ZFC3H1: variants seen among roughly 807,000 people sequenced by gnomAD.
The protein encoded by ZFC3H1 is zinc finger C3H1-type containing.
In ZFC3H1, 71 loss-of-function variants were observed where a neutral mutation model predicts 243.7. The observed-to-expected ratio is 0.29, with a 90% confidence interval of 0.24 to 0.36. The LOEUF (loss-of-function observed/expected upper bound fraction) is 0.36, where lower values mean the gene tolerates loss of function less well. Ranked by LOEUF, ZFC3H1 falls within the 10% of genes least tolerant of loss-of-function variation. ZFC3H1 has a pLI of 1.00. For synonymous variants in ZFC3H1, 838 were observed against 813.0 expected (o/e 1.03, Z -0.52); for missense variants, 1,966 against 2,317.1 (o/e 0.85, Z 3.11).
Position 71,614,885 on chromosome 12 carries a change from G to A in ZFC3H1, c.5309C>T (p.Ala1770Val). The change falls in exon 29 of 35, where the codon GCA becomes GTA. Residue 1770 changes from alanine to valine, a missense_variant. By Grantham distance (64) the Ala-to-Val change is moderately conservative (BLOSUM62 0). This residue lies in a region of ZFC3H1 where 1,383 missense variants were observed against 1,723.7 expected (regional missense o/e 0.80). Coordinates refer to ENST00000378743, the MANE Select transcript of ZFC3H1 (RefSeq NM_144982.5). ...ACATCTCATAGCCACCCCTAATGCT[G>A]CCTCATATGCCTCCACTGTTTCTTT... ...SIKETVEAYE[A>V]ALGVAMRCDI... 1 of 1,613,808 alleles carries A rather than the reference G, an allele frequency of 6.2e-7. No individual in the cohort carries two copies. Among genetic ancestry groups the A allele is most frequent in the Non-Finnish European group, 8.5e-7 (1 of 1,179,824 alleles).
At chr12:71,645,116 T>G (rs1307351036) in intron 3 of ZFC3H1, 41 bp from the exon 4 acceptor site, 2 of 1,504,680 alleles carry the variant, frequency 1.3e-6, no homozygotes, top group East Asian at 4.8e-5. Flanking sequence ...TTTAATTCTA[T>G]TATTTAGCTT....
chr12:71,613,940 G>GCTCATTTAGTCTACAAT (rs1879833088), intron 30 of ZFC3H1, among the ~76,000 whole-genome samples: 1 of 152,050 alleles, frequency 6.6e-6, no homozygotes, highest in Non-Finnish European at 1.5e-5. Context: ...GCTTTAGCAA[G>GCTCATTTAGTCTACAAT]GAGCTTTTTA....
At chr12:71,660,621 C>T (rs1881142622) in intron 1 of ZFC3H1, among the ~76,000 whole-genome samples, 1 of 151,706 alleles carries the variant, frequency 6.6e-6, no homozygotes, top group African/African-American at 2.4e-5. Context: ...ATTGAATAAA[C>T]ACGCAGAAAG....
chr12:71,615,287 T>C lies in ZFC3H1; in HGVS notation c.5174A>G (p.Asp1725Gly), dbSNP rs754801562. Reference sequence around the variant, plus strand: ...CCCTTTACATAAACGAGATGGAATGTCAATTGGTCCTGGAATATTTAAGAG... The same window carrying C: ...CCCTTTACATAAACGAGATGGAATGCCAATTGGTCCTGGAATATTTAAGAG... Reference protein sequence around the residue: ...RYLLNIPGPIDIPSRLCKGNF... With the variant: ...RYLLNIPGPIGIPSRLCKGNF... Residue 1725 changes from aspartate to glycine, a missense_variant, in exon 28 of 35, where the codon GAC (aspartate) becomes GGC (glycine). Coordinates refer to ENST00000378743, the MANE Select transcript of ZFC3H1 (RefSeq NM_144982.5). 2 of 1,613,082 alleles carry C rather than the reference T, an allele frequency of 1.2e-6. No homozygotes were observed. The highest frequency in any genetic ancestry group is 2.2e-5 in the South Asian group (2 of 90,848).
intron 2 of ZFC3H1, among the ~76,000 whole-genome samples, chr12:71,649,408 C>G (rs1880822939): frequency 6.6e-6 from 1 of 152,192 alleles, no homozygotes; most frequent in Non-Finnish European, 1.5e-5. Context: ...AGGTGTACTT[C>G]AGGTCTATTT....
chr12:71,632,832 T>C, intron 14 of ZFC3H1, 54 bp downstream of exon 14: 2 of 1,593,406 alleles, frequency 1.3e-6, no homozygotes, highest in East Asian at 4.5e-5. Flanking sequence ...CCCTTAAAAC[T>C]ATCATAAAAA....
intron 30 of ZFC3H1, chr12:71,613,658 C>A (rs1023731285): frequency 2.7e-6 from 1 of 367,114 alleles, no homozygotes; most frequent in Non-Finnish European, 5.0e-6. Flanking sequence ...GGGCAGAACA[C>A]TGACAAGAAG....
chr12:71,646,773 A>G (rs1880740644), intron 3 of ZFC3H1, among the ~76,000 whole-genome samples: 1 of 152,168 alleles, frequency 6.6e-6, no homozygotes, highest in Non-Finnish European at 1.5e-5. Flanking sequence ...TACTTTTTGC[A>G]ACTACTCTCT....
chr12:71,643,851 C>A (rs1162188736), intron 5 of ZFC3H1, among the ~76,000 whole-genome samples: 1 of 152,170 alleles, frequency 6.6e-6, no homozygotes, highest in East Asian at 1.9e-4. Context: ...ATTTAGTAAT[C>A]CTACTTTCAT....
chr12:71,617,538 T>C (rs1359366821), intron 27 of ZFC3H1, among the ~76,000 whole-genome samples: 1 of 152,220 alleles, frequency 6.6e-6, no homozygotes, highest in Non-Finnish European at 1.5e-5. Flanking sequence ...TGAAGATCTT[T>C]CATTAGTTAC....
chr12:71,655,024 A>C (rs1880982407), intron 2 of ZFC3H1, among the ~76,000 whole-genome samples: 1 of 152,182 alleles, frequency 6.6e-6, no homozygotes, highest in African/African-American at 2.4e-5. Context: ...CATACTGGCA[A>C]ATTTTAACAA....
chr12:71,630,815 C>T lies in ZFC3H1; in HGVS notation c.3602+8G>A, dbSNP rs377258432. The stretch of plus-strand genomic sequence containing the variant: ...TCAAATTACAAAATGTTCACAAAAA[C>T]TACTCACCATTGACAATCATCATCA... On this transcript the variant is annotated splice_region_variant and intron_variant, in intron 17 of 34. Coordinates refer to ENST00000378743, the MANE Select transcript of ZFC3H1 (RefSeq NM_144982.5). 436 of 1,611,816 alleles carry T rather than the reference C, an allele frequency of 2.7e-4. 1 individual carries two copies. Among genetic ancestry groups the T allele is most frequent in the Non-Finnish European group, 3.3e-4 (387 of 1,178,808 alleles).
intron 3 of ZFC3H1, among the ~76,000 whole-genome samples, 194 bp downstream of exon 3, chr12:71,647,555 T>C (rs74101632): frequency 0.022 from 3,392 of 152,204 alleles, 148 homozygotes; most frequent in African/African-American, 0.076. Context: ...TTAAACATAA[T>C]TTGCAGAACC....
intron 3 of ZFC3H1, among the ~76,000 whole-genome samples, chr12:71,645,805 T>TA (rs1399792574): frequency 1.3e-5 from 2 of 152,290 alleles, no homozygotes; most frequent in South Asian, 4.1e-4. Context: ...CGAAATAGTT[T>TA]AAAAAATTAA....
chr12:71,611,878 T>C lies in ZFC3H1; in HGVS notation c.5637A>G (p.Gln1879=), dbSNP rs543522790. The C allele has an allele frequency of 5.0e-6, 8 of 1,598,440 alleles. No homozygotes were observed. In the East Asian group the frequency reaches 1.4e-4, roughly 27 times the overall value. Reference sequence around the variant, plus strand: ...GAACATTGCTTTCTTCCCATTCATGTTGAAGTAACCTGTAAAGTACATTCA... The same window carrying C: ...GAACATTGCTTTCTTCCCATTCATGCTGAAGTAACCTGTAAAGTACATTCA... ...ANSGLALRLL[Q]HEWEESNVQI... Residue 1879 remains glutamine (Q), a synonymous_variant, in exon 32 of 35, where the codon CAA becomes CAG. Coordinates refer to ENST00000378743, the MANE Select transcript of ZFC3H1 (RefSeq NM_144982.5).
intron 31 of ZFC3H1, among the ~76,000 whole-genome samples, chr12:71,612,359 A>G (rs922219706): frequency 6.6e-6 from 1 of 152,150 alleles, no homozygotes; most frequent in Admixed American, 6.5e-5. Flanking sequence ...ATCAAAACAC[A>G]GATGTAGGGA....
intron 2 of ZFC3H1, among the ~76,000 whole-genome samples, chr12:71,655,820 A>AG (rs34234023): frequency 6.1e-4 from 92 of 151,762 alleles, no homozygotes; most frequent in Non-Finnish European, 8.8e-4. Flanking sequence ...AAGGAAAAAG[A>AG]GGGGGGGGAA....
intron 6 of ZFC3H1, 139 bp from the exon 7 acceptor site, chr12:71,638,654 C>A (rs1424454022): frequency 5.9e-6 from 4 of 683,552 alleles, no homozygotes; most frequent in Non-Finnish European, 9.6e-6. Flanking sequence ...AATCTTTAAA[C>A]CCCTCATGAG....
intron 2 of ZFC3H1, among the ~76,000 whole-genome samples, chr12:71,650,175 G>C (rs1252178631): frequency 1.3e-5 from 2 of 151,904 alleles, no homozygotes; most frequent in African/African-American, 4.8e-5. Context: ...GCAACACAGT[G>C]AGAGTCAGGA....
Sources: allele counts gnomAD v4.1 joint callset (sites outside exome capture counted in the v4.1 genomes callset), GRCh38; gene constraint gnomAD v4.1.1; regional missense constraint gnomAD v4.1.1; transcripts MANE v1.5; gene names NCBI Gene and HGNC (gene_info 2026-07-23, HGNC 2026-07-21).